Variants in SAMTOR observed in about 807,000 individuals in gnomAD.
SAMTOR encodes the protein UPF0532 protein C7orf60.
chr7:112,923,086 T>G, the SAMTOR span, among the ~76,000 whole-genome samples: 2 of 152,186 alleles, frequency 1.3e-5, no homozygotes, highest in Admixed American at 1.3e-4. Flanking sequence ...GCTATGTCTG[T>G]GTAGAAAGAA....
the SAMTOR span, among the ~76,000 whole-genome samples, chr7:112,886,782 C>T: frequency 1.4e-4 from 21 of 152,290 alleles, no homozygotes; most frequent in African/African-American, 3.4e-4. Context: ...TCTCCCTGCC[C>T]CCACACAGAG....
the SAMTOR span, among the ~76,000 whole-genome samples, chr7:112,850,544 G>C: frequency 2.0e-5 from 3 of 152,128 alleles, no homozygotes; most frequent in South Asian, 2.1e-4. Context: ...TTGTTATTTT[G>C]TTGGGAGAGT....
At chr7:112,924,325 T>C in the SAMTOR span, among the ~76,000 whole-genome samples, 2 of 152,202 alleles carry the variant, frequency 1.3e-5, no homozygotes, top group South Asian at 4.2e-4. Flanking sequence ...AGAAAAGGAA[T>C]TATAATAGTC....
chr7:112,935,511 A>C, the SAMTOR span, among the ~76,000 whole-genome samples: 2 of 152,166 alleles, frequency 1.3e-5, no homozygotes, highest in Non-Finnish European at 2.9e-5. Flanking sequence ...TGCCATGCTA[A>C]TTCACCTGTT....
the SAMTOR span, among the ~76,000 whole-genome samples, chr7:112,886,079 T>A: frequency 6.6e-6 from 1 of 152,112 alleles, no homozygotes; most frequent in African/African-American, 2.4e-5. Flanking sequence ...AAGCCCCTTA[T>A]AAAACTATGA....
the SAMTOR span, among the ~76,000 whole-genome samples, chr7:112,857,555 A>G: frequency 6.6e-6 from 1 of 152,218 alleles, no homozygotes; most frequent in Admixed American, 6.5e-5. Context: ...AAAGTCATAA[A>G]TTGCAAAAAC....
At chr7:112,898,573 G>A in the SAMTOR span, among the ~76,000 whole-genome samples, 1 of 152,162 alleles carries the variant, frequency 6.6e-6, no homozygotes, top group Non-Finnish European at 1.5e-5. Flanking sequence ...CCTCTGCCCT[G>A]GGGGGATGGA....
the SAMTOR span, among the ~76,000 whole-genome samples, chr7:112,910,018 A>G: frequency 6.6e-6 from 1 of 151,970 alleles, no homozygotes; most frequent in African/African-American, 2.4e-5. Context: ...AAACAGTCTG[A>G]TGCCAGGTCT....
At chr7:112,825,869 T>A in the SAMTOR span, among the ~76,000 whole-genome samples, 678 of 151,704 alleles carry the variant, frequency 4.5e-3, 3 homozygotes, top group Non-Finnish European at 7.2e-3. Context: ...TTTTTTTTTT[T>A]AAATCAGGAA....
the SAMTOR span, chr7:112,939,843 A>C: frequency 1.0e-5 from 10 of 996,334 alleles, no homozygotes; most frequent in African/African-American, 1.6e-5. Flanking sequence ...CTGCGGAGGC[A>C]GCAGCCAGAG....
chr7:112,928,141 A>T, the SAMTOR span, among the ~76,000 whole-genome samples: 1 of 152,032 alleles, frequency 6.6e-6, no homozygotes, highest in Non-Finnish European at 1.5e-5. Context: ...CTGCCTTTGT[A>T]AAAAAACAAG....
At chr7:112,894,516 A>G in the SAMTOR span, among the ~76,000 whole-genome samples, 2 of 152,162 alleles carry the variant, frequency 1.3e-5, no homozygotes, top group African/African-American at 4.8e-5. Flanking sequence ...AAAGAGGTTT[A>G]ATGGACTCAC....
At chr7:112,919,151 T>C in the SAMTOR span, among the ~76,000 whole-genome samples, 1 of 152,154 alleles carries the variant, frequency 6.6e-6, no homozygotes, top group Non-Finnish European at 1.5e-5. Flanking sequence ...ATACATTTTT[T>C]TCAGCACCAC....
chr7:112,854,472 A>G, the SAMTOR span, among the ~76,000 whole-genome samples: 47 of 152,208 alleles, frequency 3.1e-4, no homozygotes, highest in African/African-American at 1.1e-3. Context: ...TTTAACAAGA[A>G]AAGAAGGGAA....
chr7:112,922,611 C>T, the SAMTOR span, among the ~76,000 whole-genome samples: 1 of 151,698 alleles, frequency 6.6e-6, no homozygotes, highest in African/African-American at 2.4e-5. Context: ...CCCCGCCGCC[C>T]CGTCTGGGAT....
the SAMTOR span, among the ~76,000 whole-genome samples, chr7:112,932,011 C>T: frequency 1.3e-5 from 2 of 151,720 alleles, no homozygotes; most frequent in Non-Finnish European, 2.9e-5. Flanking sequence ...CTGCAACCTC[C>T]GCCATCCAGG....
chr7:112,894,109 C>G, the SAMTOR span, among the ~76,000 whole-genome samples: 1 of 149,670 alleles, frequency 6.7e-6, no homozygotes, highest in Non-Finnish European at 1.5e-5. Flanking sequence ...GGTTTATTAA[C>G]TGGCCAAATT....
At chr7:112,831,428 A>G in the SAMTOR span, among the ~76,000 whole-genome samples, 4 of 152,166 alleles carry the variant, frequency 2.6e-5, no homozygotes, top group Admixed American at 6.5e-5. Context: ...AGGTTGAGGC[A>G]GGTGGATCAC....
the SAMTOR span, among the ~76,000 whole-genome samples, chr7:112,889,408 G>A: frequency 2.6e-5 from 4 of 152,164 alleles, no homozygotes; most frequent in Non-Finnish European, 4.4e-5. Flanking sequence ...GCCAGAAAGT[G>A]AGAACAAGCA....
Sources: gnomAD v4.1 joint callset for allele counts (sites outside exome capture counted in the v4.1 genomes callset) on GRCh38, gnomAD v4.1.1 for gene constraint, MANE v1.5 for transcripts, NCBI Gene and HGNC (gene_info 2026-07-23, HGNC 2026-07-21) for gene names.